The following WWC1 variants were observed in gnomAD, a reference collection of about 807,000 sequenced individuals.
WWC1 encodes the protein protein KIBRA.
WWC1 carries 55 observed loss-of-function variants against 138.4 expected under a neutral mutation model. The observed-to-expected ratio is 0.40, with a 90% CI of 0.32 to 0.50. The LOEUF (loss-of-function observed/expected upper bound fraction) is 0.50. Among genes scored for constraint, WWC1 ranks in the 20% least tolerant of loss-of-function variants. The pLI, the probability that WWC1 is intolerant of heterozygous loss-of-function variation, is 0.72. For synonymous variants in WWC1, 524 were observed against 564.9 expected (o/e 0.93, Z 1.03); for missense variants, 1,226 against 1,420.4 (o/e 0.86, Z 2.20).
At chr5:168,421,636 G>A (rs550238342) in intron 9 of WWC1, among the ~76,000 whole-genome samples, 288 of 152,282 alleles carry the variant, frequency 1.9e-3, no homozygotes, top group African/African-American at 6.6e-3. Context: ...AAGAGAAGGA[G>A]GGTATGGTTG....
chr5:168,466,502 A>G (rs1472426918), intron 21 of WWC1, among the ~76,000 whole-genome samples: 1 of 152,220 alleles, frequency 6.6e-6, no homozygotes, highest in African/African-American at 2.4e-5. Flanking sequence ...CTCAGTGCTG[A>G]ATACAGGTGG....
At chr5:168,348,611 C>T (rs1417667061) in intron 1 of WWC1, among the ~76,000 whole-genome samples, 1 of 152,172 alleles carries the variant, frequency 6.6e-6, no homozygotes, top group Non-Finnish European at 1.5e-5. Context: ...GCGGCCATCA[C>T]AAACAAGGAC....
intron 1 of WWC1, among the ~76,000 whole-genome samples, chr5:168,353,366 C>T (rs1293401602): frequency 1.3e-5 from 2 of 152,216 alleles, no homozygotes; most frequent in African/African-American, 4.8e-5. Flanking sequence ...CTGAGGCAGT[C>T]CTTGCCCTTT....
intron 2 of WWC1, among the ~76,000 whole-genome samples, chr5:168,383,182 C>CAAAAAAAAAAAAAAAAAA (rs67923145): frequency 9.4e-6 from 1 of 106,636 alleles, no homozygotes. Context: ...ATCTCAAAAA[C>CAAAAAAAAAAAAAAAAAA]AAAAAAAAAA....
At chr5:168,423,161 A>AAAAAAAT (rs1554108968) in intron 10 of WWC1, among the ~76,000 whole-genome samples, 1 of 140,108 alleles carries the variant, frequency 7.1e-6, no homozygotes, top group Non-Finnish European at 1.5e-5. Flanking sequence ...AAAAAAAAAA[A>AAAAAAAT]AAAAAAAAAA....
chr5:168,427,050 A>T (rs1002253551), intron 11 of WWC1, among the ~76,000 whole-genome samples: 10 of 152,164 alleles, frequency 6.6e-5, no homozygotes, highest in African/African-American at 2.4e-4. Context: ...GAAGAGGAGG[A>T]GCTGAATTCG....
chr5:168,316,060 TC>T, intron 1 of WWC1, among the ~76,000 whole-genome samples: 1 of 152,022 alleles, frequency 6.6e-6, no homozygotes, highest in South Asian at 2.1e-4. Context: ...TGCTCAGGCC[TC>T]CCCCCTCTTT....
chr5:168,354,006 G>A lies in WWC1; in HGVS notation c.120-17418G>A, dbSNP rs946476691. Among the ~76,000 whole-genome samples, 3 of 152,134 alleles carry A rather than the reference G, an allele frequency of 2.0e-5. No individual in the cohort carries two copies. The South Asian group carries it at 6.2e-4, about 32-fold the overall frequency. ...ATACAATAGCTCTGAAAAGATATTT[G>A]GAAATAAGCTTAGGCTCTTCCAAAA... On this transcript the variant is annotated intron_variant, in intron 1 of 22. Transcript: ENST00000265293.
chr5:168,457,200 T>G (rs1756416096), intron 19 of WWC1, among the ~76,000 whole-genome samples: 2 of 151,054 alleles, frequency 1.3e-5, no homozygotes, highest in Non-Finnish European at 2.9e-5. Context: ...GCTTTCTAGT[T>G]GGCCCACTTC....
At chr5:168,307,707 C>T (rs1031098322) in intron 1 of WWC1, among the ~76,000 whole-genome samples, 1 of 150,766 alleles carries the variant, frequency 6.6e-6, no homozygotes, top group African/African-American at 2.4e-5. Context: ...AGGGTTCAAG[C>T]GATTCTCCTG....
chr5:168,368,090 C>CTT (rs59582303), intron 1 of WWC1, among the ~76,000 whole-genome samples: 68,096 of 129,340 alleles, frequency 0.53, 18,513 homozygotes, highest in South Asian at 0.63. Context: ...AACACTTCAT[C>CTT]TTTTTTTTTT....
intron 1 of WWC1, among the ~76,000 whole-genome samples, chr5:168,357,777 A>G (rs746825083): frequency 6.6e-6 from 1 of 152,170 alleles, no homozygotes; most frequent in Non-Finnish European, 1.5e-5. Context: ...GCTTCCCTTC[A>G]GGGAATAACA....
At position 168,406,219 on chromosome 5, in the gene WWC1, T is replaced by C. The variant is rs1779778457; in HGVS notation, c.612T>C (p.Asp204=). Reference sequence around the variant, plus strand: ...CTAGAATCGATAAGAAAATGTCTGATGCTCAGGGCAGCTACAAACTGGATG... The same window carrying C: ...CTAGAATCGATAAGAAAATGTCTGACGCTCAGGGCAGCTACAAACTGGATG... ...TLKKIDKKMS[D]AQGSYKLDEA... Residue 204 remains aspartate (D), a synonymous_variant, in exon 6 of 23, where the codon GAT becomes GAC. Transcript: ENST00000265293. The C allele has an allele frequency of 6.2e-7, 1 of 1,614,038 alleles. No homozygotes were observed. Among genetic ancestry groups the C allele is most frequent in the Non-Finnish European group, 8.5e-7 (1 of 1,179,926 alleles).
chr5:168,308,250 G>T (rs1238834105), intron 1 of WWC1, among the ~76,000 whole-genome samples: 1 of 152,148 alleles, frequency 6.6e-6, no homozygotes, highest in Non-Finnish European at 1.5e-5. Context: ...CTAGGAAAAG[G>T]CAGAGCAGTG....
chr5:168,385,110 T>C (rs1469408181), intron 2 of WWC1, 101 bp from the exon 3 acceptor site: 2 of 1,127,068 alleles, frequency 1.8e-6, no homozygotes, highest in East Asian at 2.5e-5. Flanking sequence ...GTGATTTGTC[T>C]ATGCATTTTG....
intron 17 of WWC1, among the ~76,000 whole-genome samples, chr5:168,448,008 T>G (rs2152878168): frequency 6.6e-6 from 1 of 152,254 alleles, no homozygotes; most frequent in African/African-American, 2.4e-5. Flanking sequence ...TCCACCAAAT[T>G]CCAAGCTTGT....
chr5:168,320,361 TC>T (rs1771962092), intron 1 of WWC1, among the ~76,000 whole-genome samples: 1 of 152,086 alleles, frequency 6.6e-6, no homozygotes, highest in Non-Finnish European at 1.5e-5. Context: ...AGCCAACTCC[TC>T]ATGCCACTTC....
chr5:168,449,537 C>CT (rs1374212132), intron 17 of WWC1, among the ~76,000 whole-genome samples: 1 of 150,572 alleles, frequency 6.6e-6, no homozygotes, highest in Non-Finnish European at 1.5e-5. Flanking sequence ...GAGGGGCTCC[C>CT]TGTCTCCCTG....
At chr5:168,302,226 T>G (rs1224824760) in intron 1 of WWC1, among the ~76,000 whole-genome samples, 3 of 152,162 alleles carry the variant, frequency 2.0e-5, no homozygotes, top group Non-Finnish European at 2.9e-5. Context: ...CCTGCTGATT[T>G]GAGCATGGTG....
Sources: gnomAD v4.1 joint callset for allele counts (sites outside exome capture counted in the v4.1 genomes callset) on GRCh38, gnomAD v4.1.1 for gene constraint, MANE v1.5 for transcripts, NCBI Gene and HGNC (gene_info 2026-07-23, HGNC 2026-07-21) for gene names.